Variants in DGKD observed in about 807,000 individuals in gnomAD.
DGKD encodes diacylglycerol kinase delta, also known as DAG kinase delta.
A neutral mutation model predicts 154.4 loss-of-function variants in DGKD; 68 were observed. That is an observed-to-expected ratio of 0.44 (90% CI 0.36 to 0.54). The LOEUF (loss-of-function observed/expected upper bound fraction) is 0.54, where lower values mean the gene tolerates loss of function less well. Among genes scored for constraint, DGKD ranks in the 20% least tolerant of loss-of-function variants. The pLI, the probability that DGKD is intolerant of heterozygous loss-of-function variation, is 0.00. For synonymous variants in DGKD, 693 were observed against 638.0 expected, an observed-to-expected ratio of 1.09 and a Z score of -1.30; for missense variants, 1,343 against 1,593.6, an observed-to-expected ratio of 0.84 and a Z score of 2.68.
chr2:233,436,746 T>C (rs2062710983), intron 7 of DGKD, among the ~76,000 whole-genome samples: 1 of 152,280 alleles, frequency 6.6e-6, no homozygotes, highest in Non-Finnish European at 1.5e-5. Flanking sequence ...ACAATTGAGC[T>C]GGCCGCCTCT....
chr2:233,423,775 C>G lies in DGKD; in HGVS notation c.349-10605C>G, dbSNP rs191373849. On this transcript the variant is annotated intron_variant, in intron 3 of 29. Coordinates refer to ENST00000264057, the MANE Select transcript of DGKD (RefSeq NM_152879.3). Reference sequence around the variant, plus strand: ...ACTGCCCCCTTCCTGGATCCTTGGCCTGGAAGAGCAGGCTTTTGTTGGGGC... The same window carrying G: ...ACTGCCCCCTTCCTGGATCCTTGGCGTGGAAGAGCAGGCTTTTGTTGGGGC... 1.5e-3 allele frequency among the ~76,000 whole-genome samples: 233 copies of G among 152,196 alleles called. 1 individual carries two copies. The highest frequency in any genetic ancestry group is 9.7e-4 in the Non-Finnish European group (66 of 68,016).
At chr2:233,442,726 C>T (rs937563144) in intron 10 of DGKD, 3 of 155,736 alleles carry the variant, frequency 1.9e-5, no homozygotes, top group African/African-American at 4.8e-5. Context: ...CTGCCTCAGC[C>T]TCCTAAATAG....
chr2:233,457,960 C>G lies in DGKD; in HGVS notation c.2581-324C>G. ...GCGCTTCCTGCACACGTGGTGTGTGCTGGCCCCAGTCCTGGCACTCTGCAG... is the reference window on the plus strand; with the variant it reads ...GCGCTTCCTGCACACGTGGTGTGTGGTGGCCCCAGTCCTGGCACTCTGCAG... On this transcript the variant is annotated intron_variant, in intron 21 of 29. Transcript: ENST00000264057. The surrounding 1 kb of genome is among the most constrained non-coding windows in gnomAD (Gnocchi z 5.5). 5.3e-6 allele frequency: 2 copies of G among 380,172 alleles called. No individual in the cohort carries two copies. 23.5% of individuals were successfully genotyped at this position (380,172 alleles called of 1,614,324 possible).
chr2:233,382,929 C>G (rs1027574468), intron 1 of DGKD, among the ~76,000 whole-genome samples: 1 of 152,156 alleles, frequency 6.6e-6, no homozygotes, highest in African/African-American at 2.4e-5. Context: ...GGGGCTTAGT[C>G]TCCATTTGAC....
At chr2:233,447,794 T>A in intron 12 of DGKD, 1 of 1,176,244 alleles carries the variant, frequency 8.5e-7, no homozygotes, top group Non-Finnish European at 1.1e-6. Context: ...TGAGTAGGGG[T>A]CAGGACGGAA....
chr2:233,466,005 T>TA (rs1245664947), intron 27 of DGKD, among the ~76,000 whole-genome samples: 1 of 152,172 alleles, frequency 6.6e-6, no homozygotes, highest in Admixed American at 6.5e-5. Flanking sequence ...CAATAATTGT[T>TA]ATGTATAGTC....
At position 233,458,263 on chromosome 2, in the gene DGKD, G is replaced by C. The variant is rs1470262940; in HGVS notation, c.2581-21G>C. On this transcript the variant is annotated intron_variant, in intron 21 of 29. Coordinates refer to ENST00000264057, the MANE Select transcript of DGKD (RefSeq NM_152879.3). This position sits in a 1 kb window ranked among gnomAD's most constrained non-coding sequence, Gnocchi z 6.6. ...TCGGGGATGTGTGGAGTGGTGGTCA[G>C]CTCTAACGTGTCCCTTGCAGACTTT... 8 of 1,557,488 alleles carry C rather than the reference G, an allele frequency of 5.1e-6. No homozygotes were observed. Among genetic ancestry groups the C allele is most frequent in the Non-Finnish European group, 7.1e-6 (8 of 1,130,982 alleles).
intron 1 of DGKD, among the ~76,000 whole-genome samples, chr2:233,360,077 C>G (rs1052184201): frequency 6.6e-6 from 1 of 152,040 alleles, no homozygotes; most frequent in Non-Finnish European, 1.5e-5. Flanking sequence ...TAAGATGATG[C>G]TGAATTTCTG....
At position 233,441,874 on chromosome 2, in the gene DGKD, C is replaced by G; in HGVS notation, c.1086-13C>G. ...ATGGATGTCATTTCACGGCCTTTCT[C>G]TTTTCTCTGCAGCTTACGGTTATTC... On this transcript the variant is annotated splice_polypyrimidine_tract_variant and intron_variant, in intron 9 of 29. Transcript: ENST00000264057. This position sits in a 1 kb window ranked among gnomAD's most constrained non-coding sequence, Gnocchi z 5.6. The G allele has an allele frequency of 6.2e-7, 1 of 1,610,588 alleles. No homozygotes were observed. Among genetic ancestry groups the G allele is most frequent in the Non-Finnish European group, 8.5e-7 (1 of 1,177,258 alleles).
At chr2:233,393,753 G>A (rs1030821718) in intron 3 of DGKD, among the ~76,000 whole-genome samples, 2 of 147,554 alleles carry the variant, frequency 1.4e-5, no homozygotes, top group Admixed American at 1.4e-4. Context: ...GTGTGGTCTC[G>A]GCTCTCTGCA....
chr2:233,397,524 A>C (rs1286993929), intron 3 of DGKD, among the ~76,000 whole-genome samples: 1 of 16,010 alleles, frequency 6.2e-5, no homozygotes, highest in African/African-American at 3.6e-4. Context: ...ACCAGAGGGG[A>C]CCAGGGTGGC....
rs2063520235 is a variant in DGKD at position 233,458,253 on chromosome 2, G to A, written c.2581-31G>A. 2 of 1,468,014 alleles carry A rather than the reference G, an allele frequency of 1.4e-6. No individual in the cohort carries two copies. Among genetic ancestry groups the A allele is most frequent in the African/African-American group, 1.4e-5 (1 of 72,108 alleles). The allele number at this position is 1,468,014 out of a possible 1,614,324, so 90.9% of individuals were successfully genotyped here. ...CGGCCTGTGCTCGGGGATGTGTGGA[G>A]TGGTGGTCAGCTCTAACGTGTCCCT... On this transcript the variant is annotated intron_variant, in intron 21 of 29. Transcript: ENST00000264057. This position sits in a 1 kb window ranked among gnomAD's most constrained non-coding sequence, Gnocchi z 6.6.
intron 3 of DGKD, among the ~76,000 whole-genome samples, chr2:233,408,105 C>T (rs557949924): frequency 3.4e-5 from 5 of 148,676 alleles, no homozygotes; most frequent in Non-Finnish European, 5.9e-5. Flanking sequence ...TGCCGTGCTG[C>T]GCTCTCAGCT....
In DGKD at chr2:233,438,623, C is replaced by T. The variant is rs80055807; in HGVS notation, c.1085+244C>T. Among the ~76,000 whole-genome samples the T allele has an allele frequency of 1.5e-3, 234 of 152,328 alleles. 3 individuals are homozygous for T. The highest frequency in any genetic ancestry group is 5.3e-3 in the African/African-American group (220 of 41,580). On this transcript the variant is annotated intron_variant, in intron 9 of 29. Transcript: ENST00000264057. This position sits in a 1 kb window ranked among gnomAD's most constrained non-coding sequence, Gnocchi z 4.1. ...ACATCCATGTACACACACCCATGCA[C>T]GTGCATCTTTTGAGCCAATCAGGAT...
chr2:233,373,701 T>G (rs550697555), intron 1 of DGKD, among the ~76,000 whole-genome samples: 1 of 152,240 alleles, frequency 6.6e-6, no homozygotes, highest in Non-Finnish European at 1.5e-5. Context: ...ATGTTCCCCC[T>G]TGTTTGAACT....
intron 1 of DGKD, among the ~76,000 whole-genome samples, chr2:233,373,567 C>T (rs1702430415): frequency 6.6e-6 from 1 of 152,178 alleles, no homozygotes; most frequent in African/African-American, 2.4e-5. Flanking sequence ...TGAAACGATA[C>T]TGTTGGATCA....
Position 233,458,181 on chromosome 2 carries a change from C to T in DGKD, c.2581-103C>T. On this transcript the variant is annotated intron_variant, in intron 21 of 29. Transcript: ENST00000264057. This position sits in a 1 kb window ranked among gnomAD's most constrained non-coding sequence, Gnocchi z 6.6. ...AGTGCAGTTACCTGGTAACTTCTCGCCAGCTAGGAGGGGCTGACCCCCAGA... is the reference window on the plus strand; with the variant it reads ...AGTGCAGTTACCTGGTAACTTCTCGTCAGCTAGGAGGGGCTGACCCCCAGA... 2 of 674,548 alleles carry T rather than the reference C, an allele frequency of 3.0e-6. No homozygotes were observed. Among genetic ancestry groups the T allele is most frequent in the Middle Eastern group, 2.5e-4 (1 of 3,988 alleles). 41.8% of individuals were successfully genotyped at this position (674,548 alleles called of 1,614,324 possible). A position where few individuals can be genotyped will look rare whatever the true frequency, so the allele number is the denominator to read the frequency against.
intron 3 of DGKD, among the ~76,000 whole-genome samples, chr2:233,409,940 G>A (rs2061785283): frequency 6.6e-6 from 1 of 152,042 alleles, no homozygotes; most frequent in Non-Finnish European, 1.5e-5. Flanking sequence ...GGCTGGGTGT[G>A]TTAATCAGTG....
rs969758150 is a variant in DGKD, at chr2:233,447,739, C to T, written c.1420-348C>T. 226 of 1,102,976 alleles carry T rather than the reference C, an allele frequency of 2.0e-4. 1 individual carries two copies. In the South Asian group the frequency reaches 4.5e-3, roughly 22 times the overall value. The allele number at this position is 1,102,976 out of a possible 1,614,324, so 68.3% of individuals were successfully genotyped here. ...AGGTGGAAACAGCCTCTGCTGCAAA[C>T]GGACCCAAACCTGGAGCCGACCCGC... On this transcript the variant is annotated intron_variant, in intron 12 of 29. Coordinates refer to ENST00000264057, the MANE Select transcript of DGKD (RefSeq NM_152879.3).
Sources: allele counts gnomAD v4.1 joint callset (sites outside exome capture counted in the v4.1 genomes callset), GRCh38; gene constraint gnomAD v4.1.1; non-coding constraint Gnocchi (gnomAD v3.1); transcripts MANE v1.5; gene names NCBI Gene and HGNC (gene_info 2026-07-23, HGNC 2026-07-21).